Variants in CAMTA1 observed in about 807,000 individuals in gnomAD.
CAMTA1 encodes the protein calmodulin-binding transcription activator 1.
Under a neutral mutation model 170.9 loss-of-function variants are expected in CAMTA1, and 27 were observed. The ratio of observed to expected loss-of-function variants is 0.16; its 90% confidence interval spans 0.12 to 0.22. CAMTA1 has a LOEUF of 0.22. Among genes scored for constraint, CAMTA1 ranks in the 10% least tolerant of loss-of-function variants. CAMTA1 has a pLI of 1.00. For synonymous variants in CAMTA1, 833 were observed against 891.5 expected, an observed-to-expected ratio of 0.93 and a Z score of 1.17; for missense variants, 1,619 against 2,217.2, an observed-to-expected ratio of 0.73 and a Z score of 5.42.
intron 3 of CAMTA1, among the ~76,000 whole-genome samples, chr1:6,905,809 G>A (rs988460743): frequency 4.6e-5 from 7 of 152,156 alleles, no homozygotes; most frequent in African/African-American, 1.4e-4. Flanking sequence ...CGTGTTCTGG[G>A]GCCAGATACA....
chr1:7,359,942 A>T (rs1484314059), intron 5 of CAMTA1, among the ~76,000 whole-genome samples: 1 of 152,082 alleles, frequency 6.6e-6, no homozygotes, highest in Non-Finnish European at 1.5e-5. Context: ...TCTCAGATCA[A>T]GGTGTGGGCA....
intron 6 of CAMTA1, among the ~76,000 whole-genome samples, chr1:7,616,349 T>C (rs1478458633): frequency 6.6e-6 from 1 of 152,248 alleles, no homozygotes; most frequent in Non-Finnish European, 1.5e-5. Flanking sequence ...CATACGCTGC[T>C]CACTCTGTTC....
intron 4 of CAMTA1, among the ~76,000 whole-genome samples, chr1:7,189,390 C>A (rs930091778): frequency 6.6e-6 from 1 of 152,134 alleles, no homozygotes; most frequent in Non-Finnish European, 1.5e-5. Context: ...AAAAACTACA[C>A]GTCTGAATAT....
chr1:7,197,309 C>T (rs1232650858), intron 4 of CAMTA1, among the ~76,000 whole-genome samples: 5 of 152,204 alleles, frequency 3.3e-5, no homozygotes, highest in African/African-American at 1.2e-4. Context: ...GGCTCTGAAG[C>T]ACTGGCTAGA....
At chr1:7,366,815 G>A (rs958926152) in intron 5 of CAMTA1, among the ~76,000 whole-genome samples, 3 of 152,174 alleles carry the variant, frequency 2.0e-5, no homozygotes, top group Non-Finnish European at 2.9e-5. Flanking sequence ...CTCTGTCTGT[G>A]GGTTCCCTCC....
intron 5 of CAMTA1, among the ~76,000 whole-genome samples, chr1:7,360,108 C>G (rs2085428608): frequency 6.6e-6 from 1 of 152,152 alleles, no homozygotes; most frequent in Non-Finnish European, 1.5e-5. Flanking sequence ...TGTCCAACCC[C>G]CACCTTTTTA....
intron 3 of CAMTA1, among the ~76,000 whole-genome samples, chr1:7,061,691 G>T (rs1708231073): frequency 6.7e-6 from 1 of 149,988 alleles, no homozygotes; most frequent in South Asian, 2.2e-4. Context: ...GGTGGGTTTG[G>T]TGGGGTGGTG....
chr1:7,548,414 C>T (rs1165461918), intron 6 of CAMTA1, among the ~76,000 whole-genome samples: 1 of 151,544 alleles, frequency 6.6e-6, no homozygotes, highest in African/African-American at 2.4e-5. Context: ...GTGGAGGTGC[C>T]CGTGCAGGGT....
At chr1:6,880,470 AC>A (rs1557754146) in intron 3 of CAMTA1, among the ~76,000 whole-genome samples, 3 of 142,672 alleles carry the variant, frequency 2.1e-5, no homozygotes, top group African/African-American at 8.0e-5. Context: ...GCTCATGGCA[AC>A]CTCCACCTCC....
intron 11 of CAMTA1, among the ~76,000 whole-genome samples, chr1:7,697,774 A>G (rs2096392204): frequency 1.3e-5 from 2 of 152,270 alleles, no homozygotes; most frequent in African/African-American, 2.4e-5. Flanking sequence ...TCCTCCCTCC[A>G]TATTACAGCT....
intron 4 of CAMTA1, among the ~76,000 whole-genome samples, chr1:7,101,097 A>G (rs1461020866): frequency 6.6e-6 from 1 of 152,196 alleles, no homozygotes; most frequent in Non-Finnish European, 1.5e-5. Context: ...AAGTATTTGC[A>G]TGCCCTGTCC....
At chr1:7,201,368 A>AT (rs1007332001) in intron 4 of CAMTA1, among the ~76,000 whole-genome samples, 2 of 151,976 alleles carry the variant, frequency 1.3e-5, no homozygotes, top group East Asian at 1.9e-4. Flanking sequence ...GTGTAGACAT[A>AT]TTTTTTTTCA....
chr1:6,956,523 A>G (rs1240792468), intron 3 of CAMTA1, among the ~76,000 whole-genome samples: 3 of 134,194 alleles, frequency 2.2e-5, no homozygotes, highest in Non-Finnish European at 3.2e-5. Flanking sequence ...AAATTATGAC[A>G]CTGCTTGTGT....
chr1:7,755,371 C>A (rs2150209238), intron 21 of CAMTA1, among the ~76,000 whole-genome samples: 1 of 149,382 alleles, frequency 6.7e-6, no homozygotes, highest in Non-Finnish European at 1.5e-5. Flanking sequence ...TCATATGACA[C>A]CCTCTCAAAA....
Position 7,552,562 on chromosome 1 carries a change from G to A in CAMTA1, c.510+84661G>A, listed in dbSNP as rs558710704. ...AGGAGGGAAGGAAGGAGGAAGTCCA[G>A]AAGCTGGCTCGCCTGGGCTTCAGGC... is the stretch of plus-strand genomic sequence containing the variant. On this transcript the variant is annotated intron_variant, in intron 6 of 22. Transcript: ENST00000303635. Among the ~76,000 whole-genome samples, 13 of 152,364 alleles carry A rather than the reference G, an allele frequency of 8.5e-5. No homozygotes were observed. The East Asian group carries it at 1.9e-3, about 23-fold the overall frequency.
intron 6 of CAMTA1, among the ~76,000 whole-genome samples, chr1:7,502,662 C>T (rs368763330): frequency 2.0e-5 from 3 of 152,270 alleles, no homozygotes; most frequent in East Asian, 1.9e-4. Flanking sequence ...CAAGGAGAAG[C>T]GAAGCCCCAG....
At chr1:7,498,515 ATGCATAGGAATGTTGTGT>A (rs1167406439) in intron 6 of CAMTA1, among the ~76,000 whole-genome samples, 1 of 151,550 alleles carries the variant, frequency 6.6e-6, no homozygotes, top group Non-Finnish European at 1.5e-5. Flanking sequence ...GTGGGTGTAT[ATGCATAGGAATGTTGTGT>A]TGCATGTGTG....
At chr1:7,301,654 G>A (rs1674784424) in intron 5 of CAMTA1, among the ~76,000 whole-genome samples, 1 of 152,172 alleles carries the variant, frequency 6.6e-6, no homozygotes, top group African/African-American at 2.4e-5. Context: ...GACAGAAAAA[G>A]CCAAGGCCCA....
intron 3 of CAMTA1, among the ~76,000 whole-genome samples, chr1:6,913,678 G>A (rs115968711): frequency 6.6e-6 from 1 of 152,034 alleles, no homozygotes; most frequent in African/African-American, 2.4e-5. Context: ...GCTGTGCCAG[G>A]CCCTGTGCTC....
Sources: gnomAD v4.1 joint callset for allele counts (sites outside exome capture counted in the v4.1 genomes callset) on GRCh38, gnomAD v4.1.1 for gene constraint, MANE v1.5 for transcripts, NCBI Gene and HGNC (gene_info 2026-07-23, HGNC 2026-07-21) for gene names.